Variants in ABCG2 observed in about 807,000 individuals in gnomAD.
ABCG2 encodes the protein ATP binding cassette subfamily G member 2 (JR blood group), also known as broad substrate specificity ATP-binding cassette transporter ABCG2.
Under a neutral mutation model 73.5 loss-of-function variants are expected in ABCG2, and 80 were observed. The ratio of observed to expected loss-of-function variants is 1.09; its 90% CI spans 0.91 to 1.31. The LOEUF (loss-of-function observed/expected upper bound fraction) is 1.31. ABCG2 is among the 50% of genes most tolerant of loss of function. ABCG2 has a pLI of 0.00. For synonymous variants in ABCG2, 269 were observed against 282.4 expected, an observed-to-expected ratio of 0.95 and a Z score of 0.48; for missense variants, 796 against 786.2, an observed-to-expected ratio of 1.01 and a Z score of -0.15.
At chr4:88,144,844 C>T (rs1046639614) in intron 1 of ABCG2, among the ~76,000 whole-genome samples, 1 of 152,042 alleles carries the variant, frequency 6.6e-6, no homozygotes, top group Non-Finnish European at 1.5e-5. Flanking sequence ...ATTACAGATA[C>T]CGTATTTCTC....
chr4:88,108,914 G>A (rs1167380440), intron 9 of ABCG2, among the ~76,000 whole-genome samples: 1 of 151,888 alleles, frequency 6.6e-6, no homozygotes, highest in Non-Finnish European at 1.5e-5. Context: ...AATAAATGCA[G>A]ATGACTGTAT....
At chr4:88,227,634 GT>G (rs545183862) in intron 1 of ABCG2, among the ~76,000 whole-genome samples, 239 of 152,234 alleles carry the variant, frequency 1.6e-3, no homozygotes, top group African/African-American at 5.6e-3. Context: ...AAGGATTTGC[GT>G]TTTAGCAAGC....
At position 88,101,298 on chromosome 4, in the gene ABCG2, CAGGA is replaced by C. The variant is rs982103317; in HGVS notation, c.1295_1298del (p.Phe432Ter). ...CACTGCTGAAACACTGGTTGGTCGT[CAGGA>C]AGAAGAGAACCCCAGCTCTGCCATG... is the stretch of plus-strand genomic sequence containing the variant. On this transcript the variant is annotated frameshift_variant, in exon 11 of 16. Coordinates refer to ENST00000237612, the MANE Select transcript of ABCG2 (RefSeq NM_004827.3). LOFTEE classifies it high-confidence loss of function. The C allele has an allele frequency of 1.2e-6, 2 of 1,614,082 alleles. No individual in the cohort carries two copies. Among genetic ancestry groups the C allele is most frequent in the Admixed American group, 3.3e-5 (2 of 60,008 alleles).
intron 1 of ABCG2, among the ~76,000 whole-genome samples, chr4:88,154,023 C>G (rs1043291614): frequency 1.3e-5 from 2 of 152,080 alleles, no homozygotes; most frequent in Non-Finnish European, 2.9e-5. Flanking sequence ...ATAGAATGGG[C>G]CTGTGAGGCT....
upstream of ABCG2, among the ~76,000 whole-genome samples, chr4:88,163,146 TAAG>T (rs1727380482): frequency 6.6e-6 from 1 of 152,136 alleles, no homozygotes; most frequent in Non-Finnish European, 1.5e-5. Flanking sequence ...CACTCCAAGT[TAAG>T]AAAATAACAG....
chr4:88,152,896 C>G (rs1726617424), intron 1 of ABCG2, among the ~76,000 whole-genome samples: 2 of 151,854 alleles, frequency 1.3e-5, no homozygotes, highest in South Asian at 4.2e-4. Flanking sequence ...AGAGATTAAG[C>G]TGAAGGAAGA....
At position 88,131,832 on chromosome 4, in the gene ABCG2, A is replaced by T; in HGVS notation, c.349T>A (p.Phe117Ile). 6.2e-7 allele frequency: 1 copy of T among 1,613,718 alleles called. No individual in the cohort carries two copies. The highest frequency in any genetic ancestry group is 1.1e-5 in the South Asian group (1 of 91,050). Residue 117 changes from phenylalanine to isoleucine, a missense_variant, in exon 4 of 16, where the codon TTC becomes ATC. By Grantham distance (21) the Phe-to-Ile change is conservative. Coordinates refer to ENST00000237612, the MANE Select transcript of ABCG2 (RefSeq NM_004827.3). ...LINGAPRPAN[F>I]KCNSGYVVQD... ...ACCACGTAACCTGAATTACATTTGA[A>T]ATTGGCAGGTCGCGGTGCTCCATTT... is the stretch of plus-strand genomic sequence containing the variant.
intron 5 of ABCG2, among the ~76,000 whole-genome samples, chr4:88,123,620 A>T (rs1379510241): frequency 6.6e-6 from 1 of 152,182 alleles, no homozygotes; most frequent in Non-Finnish European, 1.5e-5. Context: ...TAGAGAAAAA[A>T]GAATGAAAAG....
At chr4:88,229,646 AC>A (rs1730371977) in intron 1 of ABCG2, among the ~76,000 whole-genome samples, 1 of 151,478 alleles carries the variant, frequency 6.6e-6, no homozygotes. Flanking sequence ...TCTCCTGTCA[AC>A]TCCTGGCCAC....
intron 5 of ABCG2, among the ~76,000 whole-genome samples, chr4:88,129,413 TA>T (rs1405762384): frequency 6.6e-6 from 1 of 152,142 alleles, no homozygotes; most frequent in Non-Finnish European, 1.5e-5. Flanking sequence ...TTTAGATAAA[TA>T]AACTAGGAAG....
rs1040356880 is a variant in ABCG2 at position 88,220,988 on chromosome 4, G to A, written c.-20+10006C>T. 2.0e-5 allele frequency among the ~76,000 whole-genome samples: 3 copies of A among 152,160 alleles called. No individual in the cohort carries two copies. In the East Asian group the frequency reaches 5.8e-4, roughly 29 times the overall value. On this transcript the variant is annotated intron_variant, in intron 1 of 15. Transcript: ENST00000515655. ...CCGTTTATAAATTACCCAGTCTCTG[G>A]CTGGGTACAGTGGCTCAAGCCTGTA...
chr4:88,125,622 A>C (rs1213444340), intron 5 of ABCG2, among the ~76,000 whole-genome samples: 8 of 149,674 alleles, frequency 5.3e-5, no homozygotes, highest in African/African-American at 1.7e-4. Flanking sequence ...AAAAAAAAAA[A>C]AAAAAAAAAA....
intron 5 of ABCG2, among the ~76,000 whole-genome samples, chr4:88,125,607 CAAAAAAAA>C (rs70957302): frequency 3.1e-4 from 11 of 34,952 alleles, no homozygotes; most frequent in South Asian, 2.3e-3. Context: ...GACTCTGTCT[CAAAAAAAA>C]AAAAAAAAAA....
At chr4:88,122,627 T>G (rs1446704463) in intron 5 of ABCG2, among the ~76,000 whole-genome samples, 1 of 152,128 alleles carries the variant, frequency 6.6e-6, no homozygotes, top group African/African-American at 2.4e-5. Flanking sequence ...CTCCTCTCTA[T>G]GCAGGGCATC....
At chr4:88,096,213 G>C (rs1047810152) in intron 13 of ABCG2, among the ~76,000 whole-genome samples, 3 of 152,196 alleles carry the variant, frequency 2.0e-5, no homozygotes, top group Admixed American at 1.3e-4. Context: ...ATTTAAAGCT[G>C]CCAAAAAGCA....
At chr4:88,212,807 T>C (rs1424767263) in intron 1 of ABCG2, among the ~76,000 whole-genome samples, 2 of 152,154 alleles carry the variant, frequency 1.3e-5, no homozygotes, top group African/African-American at 4.8e-5. Context: ...CCTACTTAAA[T>C]TCCTGTCTCC....
At chr4:88,167,946 C>T (rs919666808) in intron 1 of ABCG2, among the ~76,000 whole-genome samples, 1 of 151,946 alleles carries the variant, frequency 6.6e-6, no homozygotes, top group African/African-American at 2.4e-5. Context: ...TCAAAATAAA[C>T]AGAGAAGTTA....
chr4:88,094,640 A>G lies in ABCG2; in HGVS notation c.1757T>C (p.Phe586Ser). ...YGFTALQHNE[F>S]LGQNFCPGLN... ...TCCTGGGCAGAAGTTTTGTCCCAAAAATTCATTATGCTGCAAAGCCTATAA... is the reference window on the plus strand; with the variant it reads ...TCCTGGGCAGAAGTTTTGTCCCAAAGATTCATTATGCTGCAAAGCCTATAA... The change falls in exon 15 of 16, where the codon TTT (phenylalanine) becomes TCT (serine). Residue 586 changes from phenylalanine (F) to serine (S), a missense_variant. Transcript: ENST00000237612. 2 of 1,613,908 alleles carry G rather than the reference A, an allele frequency of 1.2e-6. No individual in the cohort carries two copies. The highest frequency in any genetic ancestry group is 2.2e-5 in the South Asian group (2 of 91,072).
intron 1 of ABCG2, chr4:88,223,755 T>G (rs1207298817): frequency 1.3e-5 from 2 of 153,000 alleles, no homozygotes; most frequent in Non-Finnish European, 2.9e-5. Flanking sequence ...AAGTAGGAAC[T>G]GGAGCTCTGT....
Sources: gnomAD v4.1 joint callset for allele counts (sites outside exome capture counted in the v4.1 genomes callset) on GRCh38, gnomAD v4.1.1 for gene constraint, MANE v1.5 for transcripts, NCBI Gene and HGNC (gene_info 2026-07-23, HGNC 2026-07-21) for gene names.